The following GANC variants were observed in gnomAD, a reference collection of about 807,000 sequenced individuals.
The protein encoded by GANC is glucosidase alpha, neutral C.
In GANC, 117 loss-of-function variants were observed where a neutral mutation model predicts 124.2. The observed-to-expected ratio is 0.94, with a 90% CI of 0.81 to 1.10. GANC has a LOEUF of 1.10. Among genes scored for constraint, GANC ranks in the 50% least tolerant of loss-of-function variants. The probability of loss-of-function intolerance (pLI) is 0.00; values close to 1 mark genes in which losing one functional copy is unlikely to be tolerated. For synonymous variants in GANC, 377 were observed against 376.8 expected (o/e 1.00, Z -0.01); for missense variants, 1,140 against 1,095.0 (o/e 1.04, Z -0.58).
At chr15:42,281,725 A>G (rs1489822253) in intron 3 of GANC, among the ~76,000 whole-genome samples, 1 of 152,212 alleles carries the variant, frequency 6.6e-6, no homozygotes, top group Admixed American at 6.5e-5. Context: ...TGGAAAAAGA[A>G]AATTACAGAT....
At position 42,321,635 on chromosome 15, in the gene GANC, T is replaced by A; in HGVS notation, c.1058-150T>A. ...CTGCCTCATTAGCCAGGTTGTCACT[T>A]CCTTAAAGGCAAGGACTGTGCTTTC... is the stretch of plus-strand genomic sequence containing the variant. On this transcript the variant is annotated intron_variant, in intron 10 of 23. Coordinates refer to ENST00000318010, the MANE Select transcript of GANC (RefSeq NM_198141.3). The A allele has an allele frequency of 7.3e-6, 5 of 689,180 alleles. No homozygotes were observed. The South Asian group carries it at 9.5e-5, about 13-fold the overall frequency. 42.7% of individuals were successfully genotyped at this position (689,180 alleles called of 1,614,324 possible). A position where few individuals can be genotyped will look rare whatever the true frequency, so the allele number is the denominator to read the frequency against.
rs1346195326 is a variant in GANC, at chr15:42,353,581, C to G, written c.*1442C>G. On this transcript the variant is annotated 3_prime_UTR_variant, in exon 24 of 24. Transcript: ENST00000318010. Reference sequence around the variant, plus strand: ...TCTGTTTCTCTTCTGTCTGACAGAGCACTATTATACCTGACTTTCAGTAAC... The same window carrying G: ...TCTGTTTCTCTTCTGTCTGACAGAGGACTATTATACCTGACTTTCAGTAAC... The G allele has an allele frequency of 1.0e-6, 1 of 985,412 alleles. No homozygotes were observed. 61.0% of individuals were successfully genotyped at this position (985,412 alleles called of 1,614,324 possible). A position where few individuals can be genotyped will look rare whatever the true frequency, so the allele number is the denominator to read the frequency against.
intron 13 of GANC, among the ~76,000 whole-genome samples, chr15:42,328,216 C>T (rs906234628): frequency 6.6e-6 from 1 of 152,122 alleles, no homozygotes; most frequent in African/African-American, 2.4e-5. Context: ...AGTATTAGGG[C>T]ACTAATAAAC....
rs145853612 is a variant in GANC at position 42,287,751 on chromosome 15, G to A, written c.262G>A (p.Glu88Lys). 9.9e-3 allele frequency: 15,989 copies of A among 1,613,020 alleles called. 114 individuals carry two copies. The highest frequency in any genetic ancestry group is 0.019 in the Middle Eastern group (114 of 6,056). Residue 88 changes from glutamate (E) to lysine (K), a missense_variant, in exon 4 of 24, where the codon GAA becomes AAA. Glu to Lys is a moderately conservative substitution (Grantham distance 56). Transcript: ENST00000318010. The part of the protein sequence containing the change: ...EGNIFRLKIN[E>K]ETPLKPRFEV... Reference sequence around the variant, plus strand: ...AAACATTTTCAGGCTTAAAATTAATGAAGAGACTCCTCTAAAACCCAGATT... The same window carrying A: ...AAACATTTTCAGGCTTAAAATTAATAAAGAGACTCCTCTAAAACCCAGATT...
intron 5 of GANC, among the ~76,000 whole-genome samples, chr15:42,293,881 C>CTACAAAAAAA (rs1239676158): frequency 6.6e-6 from 1 of 150,406 alleles, no homozygotes; most frequent in African/African-American, 2.5e-5. Context: ...AAACCCTGTC[C>CTACAAAAAAA]TACAAAAAAA....
chr15:42,292,671 C>A (rs768711695), intron 4 of GANC, 64 bp from the exon 5 acceptor site: 4 of 1,461,890 alleles, frequency 2.7e-6, no homozygotes, highest in Non-Finnish European at 2.8e-6. Flanking sequence ...CTTGGAAGTA[C>A]AAATCACATA....
rs113903248 is a variant in GANC at position 42,320,981 on chromosome 15, T to C, written c.1058-804T>C. ...TACTCCACTCCCATTCTCTTTGTTTTTGTGGCTTTCTTCCTTTTTTCTTCT... is the reference window on the plus strand; with the variant it reads ...TACTCCACTCCCATTCTCTTTGTTTCTGTGGCTTTCTTCCTTTTTTCTTCT... On this transcript the variant is annotated intron_variant, in intron 10 of 23. Coordinates refer to ENST00000318010, the MANE Select transcript of GANC (RefSeq NM_198141.3). Among the ~76,000 whole-genome samples, 1,232 of 152,316 alleles carry C rather than the reference T, an allele frequency of 8.1e-3. 9 individuals are homozygous for C. The highest frequency in any genetic ancestry group is 0.037 in the Middle Eastern group (11 of 294).
chr15:42,340,616 A>C (rs1004836353), intron 17 of GANC, 74 bp from the exon 18 acceptor site: 1 of 1,238,398 alleles, frequency 8.1e-7, no homozygotes, highest in Non-Finnish European at 1.1e-6. Flanking sequence ...AAAAAAAAAA[A>C]ACTAAAAATA....
rs1229126321 is a variant in GANC at position 42,352,900 on chromosome 15, G to A, written c.*761G>A. 2 of 461,712 alleles carry A rather than the reference G, an allele frequency of 4.3e-6. No individual in the cohort carries two copies. The highest frequency in any genetic ancestry group is 3.1e-4 in the East Asian group (2 of 6,512). 28.6% of individuals were successfully genotyped at this position (461,712 alleles called of 1,614,324 possible). On this transcript the variant is annotated 3_prime_UTR_variant, in exon 24 of 24. Transcript: ENST00000318010. ...ACTTCAGAAGTAGAACTCATGACTG[G>A]GACTAGGATGAGGCAAGGGAGACCC...
chr15:42,351,630 A>G (rs2052439121), intron 23 of GANC, among the ~76,000 whole-genome samples, 198 bp downstream of exon 23: 1 of 152,132 alleles, frequency 6.6e-6, no homozygotes, highest in Non-Finnish European at 1.5e-5. Context: ...GCTCACTTTT[A>G]ATGTTTTTCT....
At chr15:42,340,347 T>G (rs1054405205) in intron 17 of GANC, among the ~76,000 whole-genome samples, 2 of 152,128 alleles carry the variant, frequency 1.3e-5, no homozygotes, top group African/African-American at 2.4e-5. Context: ...AGGCCAGGCT[T>G]GGTGGCTCAC....
At chr15:42,274,805 G>C (rs1214444892) in intron 1 of GANC, among the ~76,000 whole-genome samples, 1 of 151,858 alleles carries the variant, frequency 6.6e-6, no homozygotes, top group Non-Finnish European at 1.5e-5. Context: ...CGGAGTCCCA[G>C]CTACTTGGGA....
At position 42,273,582 on chromosome 15, in the gene GANC, A is replaced by G; in HGVS notation, c.-900A>G. Reference sequence around the variant, plus strand: ...CTGTGCGCCGTGAGACTTTGGACCTACTGCGCAGGCGTCATCCTGTTGGAA... The same window carrying G: ...CTGTGCGCCGTGAGACTTTGGACCTGCTGCGCAGGCGTCATCCTGTTGGAA... On this transcript the variant is annotated 5_prime_UTR_variant, in exon 1 of 24. Transcript: ENST00000318010. The G allele has an allele frequency of 1.9e-6, 2 of 1,045,174 alleles. No individual in the cohort carries two copies. Among genetic ancestry groups the G allele is most frequent in the South Asian group, 1.6e-5 (1 of 62,008 alleles). 64.7% of individuals were successfully genotyped at this position (1,045,174 alleles called of 1,614,324 possible). A position where few individuals can be genotyped will look rare whatever the true frequency, so the allele number is the denominator to read the frequency against.
intron 6 of GANC, among the ~76,000 whole-genome samples, chr15:42,300,347 A>G (rs2051933475): frequency 6.6e-6 from 1 of 152,260 alleles, no homozygotes; most frequent in Non-Finnish European, 1.5e-5. Flanking sequence ...ACAAACATGA[A>G]AAAAAGCTCA....
At chr15:42,286,247 CCTT>C (rs1320180537) in intron 3 of GANC, among the ~76,000 whole-genome samples, 57 of 152,266 alleles carry the variant, frequency 3.7e-4, no homozygotes, top group Admixed American at 1.0e-3. Flanking sequence ...CATTAATAAC[CCTT>C]CTTAATCTCT....
intron 3 of GANC, among the ~76,000 whole-genome samples, chr15:42,286,120 C>G (rs752510738): frequency 6.6e-6 from 1 of 152,172 alleles, no homozygotes; most frequent in African/African-American, 2.4e-5. Context: ...TATATGCCCC[C>G]TGCTTAGGAA....
chr15:42,305,497 G>T (rs1174307690), intron 6 of GANC, among the ~76,000 whole-genome samples: 3 of 152,230 alleles, frequency 2.0e-5, no homozygotes. Flanking sequence ...TACACTGTTG[G>T]TGGGAGTGTA....
intron 2 of GANC, among the ~76,000 whole-genome samples, chr15:42,277,677 C>T (rs2051685688): frequency 6.6e-6 from 1 of 151,648 alleles, no homozygotes; most frequent in African/African-American, 2.4e-5. Context: ...CACTGCCCAC[C>T]ACAACCTCCA....
At chr15:42,299,023 C>T (rs951220937) in intron 6 of GANC, among the ~76,000 whole-genome samples, 1 of 152,320 alleles carries the variant, frequency 6.6e-6, no homozygotes, top group African/African-American at 2.4e-5. Flanking sequence ...GACAATTTGA[C>T]TTCCTCTCTT....
Sources: allele counts gnomAD v4.1 joint callset (sites outside exome capture counted in the v4.1 genomes callset), GRCh38; gene constraint gnomAD v4.1.1; transcripts MANE v1.5; gene names NCBI Gene and HGNC (gene_info 2026-07-23, HGNC 2026-07-21).